WDFY3: variants seen among roughly 807,000 people sequenced by gnomAD.
WDFY3 encodes the protein WD repeat and FYVE domain containing 3, also known as WD repeat and FYVE domain-containing protein 3.
Under a neutral mutation model 409.6 loss-of-function variants are expected in WDFY3, and 66 were observed. The observed-to-expected ratio is 0.16, with a 90% CI of 0.13 to 0.20. WDFY3 has a LOEUF of 0.20. Ranked by LOEUF, WDFY3 falls within the 10% of genes least tolerant of loss-of-function variation. The pLI, the probability that WDFY3 is intolerant of heterozygous loss-of-function variation, is 1.00. For missense variants in WDFY3, 3,031 were observed against 4,298.1 expected (o/e 0.71, Z 8.24); for synonymous variants, 1,521 against 1,537.1 (o/e 0.99, Z 0.25).
At chr4:84,927,631 C>T (rs558436097) in intron 2 of WDFY3, among the ~76,000 whole-genome samples, 1 of 152,064 alleles carries the variant, frequency 6.6e-6, no homozygotes, top group African/African-American at 2.4e-5. Context: ...GCGGAGGTTT[C>T]CCCCATGCTG....
chr4:84,843,608 A>G (rs1757683302), intron 5 of WDFY3, among the ~76,000 whole-genome samples: 1 of 152,160 alleles, frequency 6.6e-6, no homozygotes, highest in South Asian at 2.1e-4. Context: ...TGTGTTGCCC[A>G]GGCTGGTCTC....
intron 2 of WDFY3, 96 bp downstream of exon 2, chr4:84,932,174 A>T (rs558880703): frequency 1.3e-5 from 2 of 152,280 alleles, no homozygotes; most frequent in East Asian, 3.9e-4. Flanking sequence ...CTGAATCACA[A>T]GTCACTGGTC....
At chr4:84,860,348 A>G in intron 4 of WDFY3, 64 bp downstream of exon 4, 3 of 1,510,036 alleles carry the variant, frequency 2.0e-6, no homozygotes, top group Non-Finnish European at 2.7e-6. Flanking sequence ...GCTTACCAGT[A>G]ACCTTCAGAT....
rs1399998600 is a variant in WDFY3, at chr4:84,678,199, G to A, written c.10228C>T (p.Pro3410Ser). 1 of 1,613,964 alleles carries A rather than the reference G, an allele frequency of 6.2e-7. No individual in the cohort carries two copies. The highest frequency in any genetic ancestry group is 1.7e-5 in the Admixed American group (1 of 60,002). The change falls in exon 66 of 68, where the codon CCA becomes TCA. Residue 3410 changes from proline to serine, a missense_variant. Physicochemically the swap from Pro to Ser is moderately conservative, Grantham distance 74. Transcript: ENST00000295888. ...TAFDRKDNAH[P>S]AEVTALGISK... ...ATGCCCAAGGCAGTGACCTCAGCTG[G>A]GTGTGCATTGTCCTTTCGATCAAAG...
At chr4:84,759,395 A>T (rs1742090052) in intron 32 of WDFY3, among the ~76,000 whole-genome samples, 1 of 152,208 alleles carries the variant, frequency 6.6e-6, no homozygotes, top group African/African-American at 2.4e-5. Flanking sequence ...TACCTTGGGC[A>T]GTATGACCAT....
Position 84,817,482 on chromosome 4 carries a change from G to A in WDFY3, c.1797C>T (p.Ser599=), listed in dbSNP as rs753763477. The change falls in exon 13 of 68, where the codon TCC becomes TCT. Residue 599 remains serine, a synonymous_variant. Coordinates refer to ENST00000295888, the MANE Select transcript of WDFY3 (RefSeq NM_014991.6). ...TGCCCATGTCATCGTCCCCATTTGG[G>A]GAGAGCACCAGCTGTTGGATAGTCA... ...ALMTIQQLVL[S]PNGDDDMGTL... 86 of 1,613,686 alleles carry A rather than the reference G, an allele frequency of 5.3e-5. No homozygotes were observed. The highest frequency in any genetic ancestry group is 4.2e-5 in the Non-Finnish European group (50 of 1,179,828).
rs766175494 is a variant in WDFY3, at chr4:84,803,350, A to T, written c.2547T>A (p.Pro849=). ...LQSSDAVIIH[P]GAMLAMLDLL... is the part of the protein sequence containing the mutation. ...GGTCCAGCATGGCAAGCATGGCTCC[A>T]GGATGAATGATGACTGCATCAGAAC... Residue 849 remains proline (P), a synonymous_variant, in exon 16 of 68, where the codon CCT becomes CCA. Transcript: ENST00000295888. 2 of 1,614,122 alleles carry T rather than the reference A, an allele frequency of 1.2e-6. No individual in the cohort carries two copies. The highest frequency in any genetic ancestry group is 1.7e-6 in the Non-Finnish European group (2 of 1,180,010).
chr4:84,863,297 T>G (rs1560951307), intron 3 of WDFY3, among the ~76,000 whole-genome samples: 1 of 152,220 alleles, frequency 6.6e-6, no homozygotes, highest in African/African-American at 2.4e-5. Flanking sequence ...GAAGAATCTC[T>G]AAACTGTTTT....
At position 84,874,902 on chromosome 4, in the gene WDFY3, G is replaced by GTA. The variant is rs368932045; in HGVS notation, c.-31-14282_-31-14281dup. On this transcript the variant is annotated intron_variant, in intron 3 of 67. Coordinates refer to ENST00000295888, the MANE Select transcript of WDFY3 (RefSeq NM_014991.6). ...GCCTACTACAAACCTAGGCTATATG[G>GTA]TATAGCCTATTGCTCCTAGGTACAA... Among the ~76,000 whole-genome samples the GTA allele has an allele frequency of 1.5e-3, 234 of 152,196 alleles. 1 individual carries two copies. Among genetic ancestry groups the GTA allele is most frequent in the Middle Eastern group, 0.01 (3 of 294 alleles).
chr4:84,914,054 A>AG (rs748816458), intron 2 of WDFY3, among the ~76,000 whole-genome samples: 4 of 152,180 alleles, frequency 2.6e-5, no homozygotes, highest in Non-Finnish European at 5.9e-5. Context: ...GCTTGCTTTA[A>AG]GAATACATAT....
Position 84,682,664 on chromosome 4 carries a change from G to A in WDFY3, c.9727-194C>T, listed in dbSNP as rs974185557. 6.8e-5 allele frequency: 39 copies of A among 574,536 alleles called. No homozygotes were observed. In the Admixed American group the frequency reaches 1.2e-3, roughly 17 times the overall value. 35.6% of individuals were successfully genotyped at this position (574,536 alleles called of 1,614,324 possible). ...CACAATGGCTGTTTCAAAGTACAGG[G>A]AAAAAGATTATAGTCATATTAGTTT... On this transcript the variant is annotated intron_variant, in intron 63 of 67. Transcript: ENST00000295888.
rs1473253397 is a variant in WDFY3, at chr4:84,845,078, TGA to T, written c.305-3817_305-3816del. On this transcript the variant is annotated intron_variant, in intron 5 of 67. Transcript: ENST00000295888. Reference sequence around the variant, plus strand: ...AACTGCACATAAGCTTGTTTCCTACTGAGATATCTACAGCCCATATCTCAAGT... The same window carrying T: ...AACTGCACATAAGCTTGTTTCCTACTGATATCTACAGCCCATATCTCAAGT... Among the ~76,000 whole-genome samples, 9 of 152,290 alleles carry T rather than the reference TGA, an allele frequency of 5.9e-5. 1 individual carries two copies. The East Asian group carries it at 9.6e-4, about 16-fold the overall frequency.
chr4:84,792,287 TAAA>T (rs1748660600), intron 21 of WDFY3, among the ~76,000 whole-genome samples: 1 of 152,196 alleles, frequency 6.6e-6, no homozygotes, highest in South Asian at 2.1e-4. Flanking sequence ...AGGAACTGAA[TAAA>T]CTAGGCAGAA....
intron 5 of WDFY3, chr4:84,844,421 G>C (rs1757796241): frequency 7.8e-7 from 1 of 1,282,062 alleles, no homozygotes; most frequent in Middle Eastern, 2.1e-4. Flanking sequence ...CTTTTCATTT[G>C]ACAATATATA....
chr4:84,953,824 A>G (rs1269188213), intron 1 of WDFY3, among the ~76,000 whole-genome samples: 1 of 152,072 alleles, frequency 6.6e-6, no homozygotes, highest in African/African-American at 2.4e-5. Flanking sequence ...ATATAAATAA[A>G]TTTCACAATT....
At chr4:84,712,459 G>A (rs1223090065) in intron 51 of WDFY3, among the ~76,000 whole-genome samples, 1 of 149,970 alleles carries the variant, frequency 6.7e-6, no homozygotes, top group Non-Finnish European at 1.5e-5. Flanking sequence ...AGTGGCTCAC[G>A]CCTGTAATCC....
chr4:84,819,567 G>A (rs1753780270), intron 12 of WDFY3, among the ~76,000 whole-genome samples: 2 of 151,944 alleles, frequency 1.3e-5, no homozygotes, highest in South Asian at 4.1e-4. Flanking sequence ...ATATAGTTAG[G>A]TTATCTGTTA....
chr4:84,876,448 C>T (rs1762796767), intron 3 of WDFY3, among the ~76,000 whole-genome samples: 1 of 152,080 alleles, frequency 6.6e-6, no homozygotes, highest in African/African-American at 2.4e-5. Context: ...CAGAACCTAA[C>T]TCATGGTGTT....
chr4:84,781,397 T>G (rs904643263), intron 25 of WDFY3, among the ~76,000 whole-genome samples: 11 of 149,396 alleles, frequency 7.4e-5, no homozygotes, highest in Middle Eastern at 3.4e-3. Flanking sequence ...CTTTTGTTTT[T>G]TTTTTTTTTT....
Sources: allele counts gnomAD v4.1 joint callset (sites outside exome capture counted in the v4.1 genomes callset), GRCh38; gene constraint gnomAD v4.1.1; transcripts MANE v1.5; gene names NCBI Gene and HGNC (gene_info 2026-07-23, HGNC 2026-07-21).